ADGRA2: variants seen among roughly 807,000 people sequenced by gnomAD.
ADGRA2 encodes adhesion G protein-coupled receptor A2.
ADGRA2 carries 61 observed loss-of-function variants against 98.7 expected under a neutral mutation model. The observed-to-expected ratio is 0.62, with a 90% CI of 0.50 to 0.76. The LOEUF (loss-of-function observed/expected upper bound fraction) is 0.76, where lower values mean the gene tolerates loss of function less well. Among genes scored for constraint, ADGRA2 ranks in the 30% least tolerant of loss-of-function variants. ADGRA2 has a pLI of 0.00. For missense variants in ADGRA2, 1,712 were observed against 1,860.0 expected, an observed-to-expected ratio of 0.92 and a Z score of 1.46; for synonymous variants, 858 against 831.5, an observed-to-expected ratio of 1.03 and a Z score of -0.55.
intron 1 of ADGRA2, among the ~76,000 whole-genome samples, chr8:37,807,175 C>T (rs1804695891): frequency 6.6e-6 from 1 of 152,200 alleles, no homozygotes; most frequent in South Asian, 2.1e-4. Context: ...TGACAAGCGT[C>T]CAGCCCAGGG....
Position 37,844,374 on chromosome 8 carries a change from G to T in ADGRA2, c.*2019G>T. The T allele has an allele frequency of 7.2e-7, 1 of 1,391,894 alleles. No individual in the cohort carries two copies. Among genetic ancestry groups the T allele is most frequent in the Non-Finnish European group, 9.8e-7 (1 of 1,015,830 alleles). The allele number at this position is 1,391,894 out of a possible 1,614,324, so 86.2% of individuals were successfully genotyped here. On this transcript the variant is annotated 3_prime_UTR_variant, in exon 19 of 19. Transcript: ENST00000412232. ...CCAACTAATGGCAGAGCCCCTCTTG[G>T]TTCCTTCAAACAAGAAAAGCAATAC...
chr8:37,841,909 C>G lies in ADGRA2; in HGVS notation c.3571C>G (p.Arg1191Gly). The change falls in exon 19 of 19, where the codon CGC (arginine) becomes GGC (glycine). Residue 1191 changes from arginine (R) to glycine (G), a missense_variant. Physicochemically the swap from Arg to Gly is moderately radical, Grantham distance 125 (BLOSUM62 -2). Transcript: ENST00000412232. The surrounding 1 kb of genome is among the most constrained non-coding windows in gnomAD (Gnocchi z 5.0). ...GCACAAGAGCCGGGCCAAGGGACAC[C>G]GCGCGGGGGAGGCCTGCGGCAAGAA... is the stretch of plus-strand genomic sequence containing the variant. Reference protein sequence around the residue: ...RAHKSRAKGHRAGEACGKNRL... With the variant: ...RAHKSRAKGHGAGEACGKNRL... 6.5e-7 allele frequency: 1 copy of G among 1,528,548 alleles called. No individual in the cohort carries two copies. The highest frequency in any genetic ancestry group is 8.7e-7 in the Non-Finnish European group (1 of 1,144,678). 94.7% of individuals were successfully genotyped at this position (1,528,548 alleles called of 1,614,324 possible).
intron 1 of ADGRA2, among the ~76,000 whole-genome samples, chr8:37,808,794 A>T (rs1246752612): frequency 4.0e-5 from 6 of 151,644 alleles, no homozygotes; most frequent in Non-Finnish European, 8.8e-5. Flanking sequence ...CTCTAGAAAA[A>T]CTTTTTTCTT....
chr8:37,810,265 C>A (rs983036583), intron 1 of ADGRA2, among the ~76,000 whole-genome samples: 60 of 151,774 alleles, frequency 4.0e-4, no homozygotes, highest in African/African-American at 1.4e-3. Flanking sequence ...AATCCCAGCA[C>A]TTTAGGAAGA....
chr8:37,815,567 C>T (rs1285651733), intron 2 of ADGRA2, among the ~76,000 whole-genome samples: 2 of 152,242 alleles, frequency 1.3e-5, no homozygotes, highest in African/African-American at 2.4e-5. Context: ...AGAGCTGGGG[C>T]CCCTGCATCT....
At chr8:37,815,136 G>T (rs1483230256) in intron 2 of ADGRA2, among the ~76,000 whole-genome samples, 169 bp downstream of exon 2, 1 of 152,212 alleles carries the variant, frequency 6.6e-6, no homozygotes, top group Non-Finnish European at 1.5e-5. Context: ...CCAACAAGGA[G>T]AAGCCACAGA....
Position 37,840,838 on chromosome 8 carries a change from C to T in ADGRA2, c.2736C>T (p.Asp912=), listed in dbSNP as rs1325995074. ...CAGTCAACATCCACAACTACCGGGA[C>T]CACAGCCCCTAGTGAGCACCCCTCC... ...TAAVNIHNYR[D]HSPYCWLVWR... is the part of the protein sequence containing the mutation. Residue 912 remains aspartate (D), a synonymous_variant, in exon 18 of 19, where the codon GAC becomes GAT. Coordinates refer to ENST00000412232, the MANE Select transcript of ADGRA2 (RefSeq NM_032777.10). 1 of 1,598,114 alleles carries T rather than the reference C, an allele frequency of 6.3e-7. No individual in the cohort carries two copies. The highest frequency in any genetic ancestry group is 2.2e-5 in the East Asian group (1 of 44,800).
In ADGRA2 at chr8:37,840,738, C is replaced by T. The variant is rs1391455725; in HGVS notation, c.2658-22C>T. 8.1e-6 allele frequency: 11 copies of T among 1,351,096 alleles called. No individual in the cohort carries two copies. The South Asian group carries it at 1.2e-4, about 15-fold the overall frequency. The allele number at this position is 1,351,096 out of a possible 1,614,324, so 83.7% of individuals were successfully genotyped here. A position where few individuals can be genotyped will look rare whatever the true frequency, so the allele number is the denominator to read the frequency against. ...CTTCCCTTTCCCCATCTCTGGGACCCCCAATCCCTCATTCCCTCCAGGTTC... is the reference window on the plus strand; with the variant it reads ...CTTCCCTTTCCCCATCTCTGGGACCTCCAATCCCTCATTCCCTCCAGGTTC... On this transcript the variant is annotated intron_variant, in intron 17 of 18. Coordinates refer to ENST00000412232, the MANE Select transcript of ADGRA2 (RefSeq NM_032777.10).
chr8:37,841,995 C>T lies in ADGRA2; in HGVS notation c.3657C>T (p.Ser1219=). 1 of 1,512,148 alleles carries T rather than the reference C, an allele frequency of 6.6e-7. No individual in the cohort carries two copies. Among genetic ancestry groups the T allele is most frequent in the South Asian group, 1.2e-5 (1 of 81,198 alleles). The allele number at this position is 1,512,148 out of a possible 1,614,324, so 93.7% of individuals were successfully genotyped here. The change falls in exon 19 of 19, where the codon AGC becomes AGT. Residue 1219 remains serine, a synonymous_variant. Coordinates refer to ENST00000412232, the MANE Select transcript of ADGRA2 (RefSeq NM_032777.10). This position sits in a 1 kb window ranked among gnomAD's most constrained non-coding sequence, Gnocchi z 5.0. ...CGCTGGAGCTGCTGTCCAGCGAGAG[C>T]GGCAGTCTGCACAACAGCCCCACCG... ...AGALELLSSE[S]GSLHNSPTDS... is the part of the protein sequence containing the mutation.
In ADGRA2 at chr8:37,797,918, G is replaced by A. The variant is rs534070211; in HGVS notation, c.266+384G>A. 6.6e-6 allele frequency among the ~76,000 whole-genome samples: 1 copy of A among 152,340 alleles called. No individual in the cohort carries two copies. Among genetic ancestry groups the A allele is most frequent in the East Asian group, 1.9e-4 (1 of 5,166 alleles). ...GAATGCTCAGGAAAGATCGACGCTC[G>A]TGGCCCAGGAGGGGGCTGTGGTCCT... On this transcript the variant is annotated intron_variant, in intron 1 of 18. Transcript: ENST00000412232. The surrounding 1 kb of genome is among the most constrained non-coding windows in gnomAD (Gnocchi z 5.3).
At position 37,839,494 on chromosome 8, in the gene ADGRA2, G is replaced by A; in HGVS notation, c.2388-5G>A. 1 of 1,614,056 alleles carries A rather than the reference G, an allele frequency of 6.2e-7. No homozygotes were observed. ...GGCCATTAATTCGAGACTGTTTCCG[G>A]GCAGCTCCATCCGTGTGTCCCGGAA... On this transcript the variant is annotated splice_polypyrimidine_tract_variant and splice_region_variant and intron_variant, in intron 15 of 18. Coordinates refer to ENST00000412232, the MANE Select transcript of ADGRA2 (RefSeq NM_032777.10).
Position 37,842,268 on chromosome 8 carries a change from G to C in ADGRA2, c.3930G>C (p.Lys1310Asn). ...ASLNGAPKGG[K>N]YDDVTLMGAE... The stretch of plus-strand genomic sequence containing the variant: ...TAAACGGCGCCCCCAAGGGGGGCAA[G>C]TACGACGACGTCACCCTGATGGGCG... Residue 1310 changes from lysine to asparagine, a missense_variant, in exon 19 of 19, where the codon AAG (lysine) becomes AAC (asparagine). Physicochemically the swap from Lys to Asn is moderately conservative, Grantham distance 94. Coordinates refer to ENST00000412232, the MANE Select transcript of ADGRA2 (RefSeq NM_032777.10). 1 of 1,570,880 alleles carries C rather than the reference G, an allele frequency of 6.4e-7. No homozygotes were observed. Among genetic ancestry groups the C allele is most frequent in the African/African-American group, 1.4e-5 (1 of 73,448 alleles).
rs536422621 is a variant in ADGRA2 at position 37,829,455 on chromosome 8, G to A, written c.483-33G>A. On this transcript the variant is annotated intron_variant, in intron 4 of 18. Coordinates refer to ENST00000412232, the MANE Select transcript of ADGRA2 (RefSeq NM_032777.10). Reference sequence around the variant, plus strand: ...CTCCGCCGGCCCATGGACACCCTAAGACCCCATCTCAGTTGTCCCCTGTTC... The same window carrying A: ...CTCCGCCGGCCCATGGACACCCTAAAACCCCATCTCAGTTGTCCCCTGTTC... 10 of 1,585,162 alleles carry A rather than the reference G, an allele frequency of 6.3e-6. No homozygotes were observed. In the African/African-American group the frequency reaches 1.2e-4, roughly 19 times the overall value.
chr8:37,803,881 G>A (rs1364814783), intron 1 of ADGRA2, among the ~76,000 whole-genome samples: 1 of 152,068 alleles, frequency 6.6e-6, no homozygotes, highest in Non-Finnish European at 1.5e-5. Context: ...GCTGGGAAGG[G>A]AAGAGAAGGT....
chr8:37,828,453 C>T (rs1366688407), intron 2 of ADGRA2, among the ~76,000 whole-genome samples: 2 of 138,952 alleles, frequency 1.4e-5, no homozygotes, highest in African/African-American at 5.3e-5. Flanking sequence ...GCCAGGGAGG[C>T]GGAGGAGGCC....
At position 37,841,918 on chromosome 8, in the gene ADGRA2, G is replaced by A. The variant is rs1192548512; in HGVS notation, c.3580G>A (p.Glu1194Lys). The A allele has an allele frequency of 1.3e-6, 2 of 1,525,022 alleles. No individual in the cohort carries two copies. Among genetic ancestry groups the A allele is most frequent in the Non-Finnish European group, 1.7e-6 (2 of 1,143,366 alleles). 94.5% of individuals were successfully genotyped at this position (1,525,022 alleles called of 1,614,324 possible). A position where few individuals can be genotyped will look rare whatever the true frequency, so the allele number is the denominator to read the frequency against. Reference protein sequence around the residue: ...KSRAKGHRAGEACGKNRLKAL... With the variant: ...KSRAKGHRAGKACGKNRLKAL... ...CCGGGCCAAGGGACACCGCGCGGGG[G>A]AGGCCTGCGGCAAGAACCGGCTCAA... The change falls in exon 19 of 19, where the codon GAG becomes AAG. Residue 1194 changes from glutamate to lysine, a missense_variant. Transcript: ENST00000412232. This position sits in a 1 kb window ranked among gnomAD's most constrained non-coding sequence, Gnocchi z 5.0.
At position 37,840,218 on chromosome 8, in the gene ADGRA2, C is replaced by G; in HGVS notation, c.2609C>G (p.Pro870Arg). ...LHKELTWRAP[P>R]PQEGDPALPT... ...AAGGAGCTCACCTGGAGGGCACCCC[C>G]TCCGCAAGAAGGGGACCCCGCTCTG... Residue 870 changes from proline (P) to arginine (R), a missense_variant, in exon 17 of 19, where the codon CCT (proline) becomes CGT (arginine). Physicochemically the swap from Pro to Arg is moderately radical, Grantham distance 103. Transcript: ENST00000412232. 6.2e-7 allele frequency: 1 copy of G among 1,612,974 alleles called. No individual in the cohort carries two copies. The highest frequency in any genetic ancestry group is 1.1e-5 in the South Asian group (1 of 91,090).
intron 15 of ADGRA2, 52 bp from the exon 16 acceptor site, chr8:37,839,447 T>TG: frequency 6.2e-7 from 1 of 1,608,320 alleles, no homozygotes; most frequent in South Asian, 1.1e-5. Flanking sequence ...TGAGACCCCA[T>TG]GGGCCTGACC....
At chr8:37,803,770 G>A (rs555110716) in intron 1 of ADGRA2, among the ~76,000 whole-genome samples, 5 of 152,242 alleles carry the variant, frequency 3.3e-5, no homozygotes, top group South Asian at 2.1e-4. Context: ...GGTGAGGCAC[G>A]GGAGCCCCAT....
Sources: gnomAD v4.1 joint callset for allele counts (sites outside exome capture counted in the v4.1 genomes callset) on GRCh38, gnomAD v4.1.1 for gene constraint, Gnocchi (gnomAD v3.1) non-coding constraint, MANE v1.5 for transcripts, NCBI Gene and HGNC (gene_info 2026-07-23, HGNC 2026-07-21) for gene names.